ACSL3: variants seen among roughly 807,000 people sequenced by gnomAD.
ACSL3 encodes the protein acyl-CoA synthetase long chain family member 3.
Under a neutral mutation model 84.7 loss-of-function variants are expected in ACSL3, and 34 were observed. That is an observed-to-expected ratio of 0.40 (90% confidence interval 0.31 to 0.53). The LOEUF (loss-of-function observed/expected upper bound fraction) is 0.53. ACSL3 is among the 20% of genes least tolerant of loss of function. The pLI is 0.48. For missense variants in ACSL3, 680 were observed against 873.1 expected, an observed-to-expected ratio of 0.78 and a Z score of 2.79; for synonymous variants, 315 against 299.4, an observed-to-expected ratio of 1.05 and a Z score of -0.54.
chr2:222,922,218 A>T (rs896251336), intron 8 of ACSL3, among the ~76,000 whole-genome samples: 1 of 152,182 alleles, frequency 6.6e-6, no homozygotes, highest in Non-Finnish European at 1.5e-5. Flanking sequence ...ATGTAATCCA[A>T]TTCCCACAAC....
At chr2:222,888,228 T>C (rs1466860667) in intron 2 of ACSL3, among the ~76,000 whole-genome samples, 1 of 152,202 alleles carries the variant, frequency 6.6e-6, no homozygotes, top group African/African-American at 2.4e-5. Context: ...TGAATGTTAC[T>C]GTAAATTTCT....
At chr2:222,927,955 T>G (rs865805425) in intron 12 of ACSL3, among the ~76,000 whole-genome samples, 3 of 152,218 alleles carry the variant, frequency 2.0e-5, no homozygotes, top group Non-Finnish European at 4.4e-5. Context: ...TTCTAAGTCA[T>G]GTTTTGTAGG....
chr2:222,911,300 C>T (rs1437443184), intron 4 of ACSL3, among the ~76,000 whole-genome samples: 3 of 152,158 alleles, frequency 2.0e-5, no homozygotes, highest in South Asian at 2.1e-4. Flanking sequence ...CCGCCCACCT[C>T]GGCCTCCCAA....
At chr2:222,919,413 G>T in intron 7 of ACSL3, 11 of 400,082 alleles carry the variant, frequency 2.7e-5, no homozygotes, top group South Asian at 2.1e-4. Context: ...ATGTTTTAAA[G>T]GTAGTATTTA....
chr2:222,922,592 C>G (rs1000556224), intron 8 of ACSL3, 116 bp from the exon 9 acceptor site: 8 of 1,278,912 alleles, frequency 6.3e-6, no homozygotes, highest in Admixed American at 2.1e-5. Context: ...CACACTTGAC[C>G]AGCAAATTGA....
chr2:222,871,078 C>G (rs927484624), intron 1 of ACSL3, among the ~76,000 whole-genome samples: 1 of 151,946 alleles, frequency 6.6e-6, no homozygotes, highest in Non-Finnish European at 1.5e-5. Flanking sequence ...TAAAGTAACA[C>G]GTGAGAAAGG....
At chr2:222,911,581 G>A (rs369841434) in intron 4 of ACSL3, among the ~76,000 whole-genome samples, 1 of 152,100 alleles carries the variant, frequency 6.6e-6, no homozygotes, top group East Asian at 1.9e-4. Context: ...GTTTTTCTCC[G>A]GTATCCCACA....
At chr2:222,929,592 C>T (rs1357091542) in intron 13 of ACSL3, among the ~76,000 whole-genome samples, 9 of 152,018 alleles carry the variant, frequency 5.9e-5, no homozygotes, top group Non-Finnish European at 1.5e-5. Flanking sequence ...CCAGCCTGAC[C>T]AACATGGTGA....
intron 1 of ACSL3, among the ~76,000 whole-genome samples, chr2:222,876,796 TG>T (rs1695462347): frequency 6.6e-6 from 1 of 151,196 alleles, no homozygotes; most frequent in African/African-American, 2.4e-5. Flanking sequence ...CAGTCTGTTG[TG>T]GGGAGACAGA....
intron 1 of ACSL3, among the ~76,000 whole-genome samples, chr2:222,869,593 T>C (rs1695247796): frequency 6.6e-6 from 1 of 152,226 alleles, no homozygotes; most frequent in African/African-American, 2.4e-5. Flanking sequence ...ACAGAGGAGA[T>C]GCTGTAAATG....
rs1161518103 is a variant in ACSL3, at chr2:222,943,037, A to G, written c.*1383A>G. ...GGCACCACATTTTTCATGTCAGACT[A>G]GTTACTTTGTTGATTCTCAGTTACT... On this transcript the variant is annotated 3_prime_UTR_variant, in exon 17 of 17. Coordinates refer to ENST00000357430, the MANE Select transcript of ACSL3 (RefSeq NM_004457.5). The G allele has an allele frequency of 4.6e-6, 1 of 218,672 alleles. No individual in the cohort carries two copies. The highest frequency in any genetic ancestry group is 2.3e-5 in the African/African-American group (1 of 44,406). The allele number at this position is 218,672 out of a possible 1,614,324, so 13.5% of individuals were successfully genotyped here.
Position 222,887,833 on chromosome 2 carries a change from T to G in ACSL3, c.-203T>G, listed in dbSNP as rs1165526669. 3.3e-5 allele frequency: 5 copies of G among 152,326 alleles called. No individual in the cohort carries two copies. The highest frequency in any genetic ancestry group is 2.0e-4 in the Admixed American group (3 of 15,302). The allele number at this position is 152,326 out of a possible 1,614,324, so 9.4% of individuals were successfully genotyped here. ...TTTTTTATGTTTGTTTTGACAGGTT[T>G]TGACACAAGGGCGCATATCTTCAAA... On this transcript the variant is annotated 5_prime_UTR_variant, in exon 2 of 17. Transcript: ENST00000357430.
chr2:222,922,690 G>A lies in ACSL3; in HGVS notation c.957-18G>A, dbSNP rs141829448. ...ACGACACCTGACTTTTGTTTCTGAC[G>A]TCTCCCTTTTCTTTTAGAGAGGAAG... On this transcript the variant is annotated intron_variant, in intron 8 of 16. Coordinates refer to ENST00000357430, the MANE Select transcript of ACSL3 (RefSeq NM_004457.5). 2,096 of 1,613,122 alleles carry A rather than the reference G, an allele frequency of 1.3e-3. 28 individuals are homozygous for A. In the African/African-American group the frequency reaches 0.024, roughly 18 times the overall value.
At chr2:222,880,640 A>G (rs1165602954) in intron 1 of ACSL3, among the ~76,000 whole-genome samples, 1 of 151,962 alleles carries the variant, frequency 6.6e-6, no homozygotes, top group Admixed American at 6.6e-5. Flanking sequence ...CATCCTGGCT[A>G]ACACGGTGAA....
At chr2:222,868,743 T>TTGAGTCCAGCCTGGCCAATGTGGCA (rs1396825575) in intron 1 of ACSL3, among the ~76,000 whole-genome samples, 47 of 152,212 alleles carry the variant, frequency 3.1e-4, no homozygotes, top group African/African-American at 1.1e-3. Flanking sequence ...GGTCAGGAGT[T>TTGAGTCCAGCCTGGCCAATGTGGCA]TGAGTCCAGC....
chr2:222,870,728 G>A (rs1021262504), intron 1 of ACSL3, among the ~76,000 whole-genome samples: 1 of 152,232 alleles, frequency 6.6e-6, no homozygotes, highest in Non-Finnish European at 1.5e-5. Flanking sequence ...GAAGTGGATG[G>A]AATTGATTTG....
intron 1 of ACSL3, among the ~76,000 whole-genome samples, chr2:222,878,822 C>T (rs1196246753): frequency 1.3e-5 from 2 of 152,138 alleles, no homozygotes; most frequent in African/African-American, 4.8e-5. Flanking sequence ...ATTTTCAGAG[C>T]CCTTACTCTA....
chr2:222,910,373 A>C (rs929911277), intron 4 of ACSL3, among the ~76,000 whole-genome samples: 1 of 152,184 alleles, frequency 6.6e-6, no homozygotes, highest in Non-Finnish European at 1.5e-5. Flanking sequence ...GTTAGGTAAT[A>C]GGTTTAATAT....
chr2:222,880,153 T>C (rs557676665), intron 1 of ACSL3, among the ~76,000 whole-genome samples: 158 of 152,350 alleles, frequency 1.0e-3, no homozygotes, highest in Middle Eastern at 3.4e-3. Flanking sequence ...ATTCGTGTTT[T>C]GATATGGAAT....
Sources: gnomAD v4.1 joint callset for allele counts (sites outside exome capture counted in the v4.1 genomes callset) on GRCh38, gnomAD v4.1.1 for gene constraint, MANE v1.5 for transcripts, NCBI Gene and HGNC (gene_info 2026-07-23, HGNC 2026-07-21) for gene names.